TTLL5: variants seen among roughly 807,000 people sequenced by gnomAD.
The protein encoded by TTLL5 is tubulin tyrosine ligase like 5.
In TTLL5, 132 loss-of-function variants were observed where a neutral mutation model predicts 168.4. The ratio of observed to expected loss-of-function variants is 0.78; its 90% CI spans 0.68 to 0.91. The LOEUF is 0.91. TTLL5 is among the 40% of genes least tolerant of loss of function. The pLI is 0.00. For synonymous variants in TTLL5, 546 were observed against 558.6 expected (o/e 0.98, Z 0.32); for missense variants, 1,545 against 1,581.5 (o/e 0.98, Z 0.39).
At chr14:75,706,068 C>T (rs1023416979) in intron 7 of TTLL5, among the ~76,000 whole-genome samples, 5 of 152,114 alleles carry the variant, frequency 3.3e-5, no homozygotes, top group Non-Finnish European at 7.4e-5. Flanking sequence ...ATCGGCCCAC[C>T]CTCCTTTCTA....
chr14:75,828,536 G>A (rs181468018), intron 28 of TTLL5, among the ~76,000 whole-genome samples: 3 of 152,148 alleles, frequency 2.0e-5, no homozygotes, highest in South Asian at 2.1e-4. Flanking sequence ...TAAGGCTTCC[G>A]GTCAACAATA....
At position 75,792,948 on chromosome 14, in the gene TTLL5, A is replaced by G. The variant is rs753792772; in HGVS notation, c.3019A>G (p.Ile1007Val). 12 of 1,611,368 alleles carry G rather than the reference A, an allele frequency of 7.4e-6. No individual in the cohort carries two copies. Among genetic ancestry groups the G allele is most frequent in the Non-Finnish European group, 9.3e-6 (11 of 1,178,258 alleles). ...SCYLNKHHSGIAKTQKEGEDA... is the reference protein window; with the variant it reads ...SCYLNKHHSGVAKTQKEGEDA... ...CTATCTAAACAAGCATCATTCAGGA[A>G]TAGCCAAAACACAAAAAGAGGGAGA... Residue 1007 changes from isoleucine to valine, a missense_variant, in exon 27 of 32, where the codon ATA (isoleucine) becomes GTA (valine). Transcript: ENST00000298832.
chr14:75,902,650 G>T (rs1326611352), intron 31 of TTLL5: 9 of 457,454 alleles, frequency 2.0e-5, no homozygotes, highest in Non-Finnish European at 4.0e-5. Context: ...ATGCGTGGAT[G>T]CAGAGCTGGA....
At chr14:75,869,395 C>T (rs996669385) in intron 29 of TTLL5, among the ~76,000 whole-genome samples, 2 of 152,136 alleles carry the variant, frequency 1.3e-5, no homozygotes, top group South Asian at 2.1e-4. Context: ...CTGTCTAGTC[C>T]GTGACTTAAG....
intron 27 of TTLL5, among the ~76,000 whole-genome samples, chr14:75,817,114 G>A (rs1054024989): frequency 2.6e-5 from 4 of 151,300 alleles, no homozygotes; most frequent in African/African-American, 9.7e-5. Flanking sequence ...TGAGTAGCTG[G>A]GACTACAGGC....
intron 9 of TTLL5, among the ~76,000 whole-genome samples, chr14:75,716,198 T>A (rs1172617186): frequency 2.0e-5 from 3 of 152,098 alleles, no homozygotes; most frequent in Non-Finnish European, 4.4e-5. Flanking sequence ...GGCACTGGGG[T>A]GTGACATGGC....
intron 30 of TTLL5, among the ~76,000 whole-genome samples, chr14:75,896,695 C>G (rs953709936): frequency 2.0e-5 from 3 of 152,072 alleles, no homozygotes; most frequent in African/African-American, 7.2e-5. Flanking sequence ...ATGAACAAAA[C>G]AGACCTTAAA....
intron 28 of TTLL5, among the ~76,000 whole-genome samples, chr14:75,821,264 CATCTT>C (rs1323290848): frequency 2.0e-5 from 3 of 152,162 alleles, no homozygotes; most frequent in Non-Finnish European, 4.4e-5. Flanking sequence ...CGAAAAGAAT[CATCTT>C]AACTGAGAAT....
intron 28 of TTLL5, among the ~76,000 whole-genome samples, chr14:75,859,580 G>A (rs1445699836): frequency 6.6e-6 from 1 of 152,090 alleles, no homozygotes; most frequent in Non-Finnish European, 1.5e-5. Flanking sequence ...CGGGGCCTGT[G>A]TACAATATTA....
intron 28 of TTLL5, chr14:75,847,800 C>G (rs1044377406): frequency 3.9e-5 from 6 of 152,078 alleles, no homozygotes; most frequent in African/African-American, 1.5e-4. Context: ...GGCTTGTTAA[C>G]ACACAGATTG....
At position 75,954,582 on chromosome 14, in the gene TTLL5, A is replaced by G; in HGVS notation, c.*136A>G. 1.1e-6 allele frequency: 1 copy of G among 900,232 alleles called. No individual in the cohort carries two copies. The highest frequency in any genetic ancestry group is 1.7e-6 in the Non-Finnish European group (1 of 572,408). The allele number at this position is 900,232 out of a possible 1,614,324, so 55.8% of individuals were successfully genotyped here. A position where few individuals can be genotyped will look rare whatever the true frequency, so the allele number is the denominator to read the frequency against. The stretch of plus-strand genomic sequence containing the variant: ...CAAAGTCCCCAAAGCCTTCGAGCAG[A>G]AGTGGCAGTAGATGGTTGCCAATCA... On this transcript the variant is annotated 3_prime_UTR_variant, in exon 32 of 32. Coordinates refer to ENST00000298832, the MANE Select transcript of TTLL5 (RefSeq NM_015072.5).
At chr14:75,716,211 G>GA (rs2140193755) in intron 9 of TTLL5, among the ~76,000 whole-genome samples, 1 of 152,352 alleles carries the variant, frequency 6.6e-6, no homozygotes, top group South Asian at 2.1e-4. Context: ...GACATGGCTA[G>GA]AAGTTAAGTG....
intron 5 of TTLL5, 114 bp downstream of exon 5, chr14:75,683,770 G>T: frequency 2.9e-6 from 2 of 683,538 alleles, no homozygotes; most frequent in Non-Finnish European, 4.7e-6. Flanking sequence ...TGAAGAAGAA[G>T]AAGGACTTTT....
intron 17 of TTLL5, among the ~76,000 whole-genome samples, chr14:75,745,811 C>T (rs1169961673): frequency 3.9e-5 from 6 of 151,970 alleles, no homozygotes; most frequent in Admixed American, 3.9e-4. Context: ...AGCTTCCTAT[C>T]CCAGGGTTAG....
At chr14:75,665,829 G>T (rs1362917850) in intron 2 of TTLL5, among the ~76,000 whole-genome samples, 1 of 152,192 alleles carries the variant, frequency 6.6e-6, no homozygotes, top group Non-Finnish European at 1.5e-5. Context: ...TCCAGCCTGG[G>T]AGACAGAGTG....
chr14:75,796,288 C>G (rs1163283761), intron 27 of TTLL5, among the ~76,000 whole-genome samples: 1 of 151,756 alleles, frequency 6.6e-6, no homozygotes, highest in Non-Finnish European at 1.5e-5. Context: ...TTTTTTCTTG[C>G]TGATTTGTTT....
At chr14:75,763,255 C>CTGTGTGTGTGTG (rs60621403) in intron 18 of TTLL5, among the ~76,000 whole-genome samples, 890 of 58,582 alleles carry the variant, frequency 0.015, 6 homozygotes, top group Non-Finnish European at 0.03. Flanking sequence ...AGCTCTCTCT[C>CTGTGTGTGTGTG]TGTGTGTGTG....
At chr14:75,695,817 C>G (rs1307873456) in intron 6 of TTLL5, among the ~76,000 whole-genome samples, 4 of 138,298 alleles carry the variant, frequency 2.9e-5, no homozygotes, top group African/African-American at 8.1e-5. Context: ...CCTCCCCTCC[C>G]CTCCCCGACT....
At chr14:75,836,020 C>T (rs1272193692) in intron 28 of TTLL5, among the ~76,000 whole-genome samples, 1 of 152,174 alleles carries the variant, frequency 6.6e-6, no homozygotes, top group Non-Finnish European at 1.5e-5. Flanking sequence ...TACCATACAA[C>T]CCAGCAGTCC....
Sources: gnomAD v4.1 joint callset for allele counts (sites outside exome capture counted in the v4.1 genomes callset) on GRCh38, gnomAD v4.1.1 for gene constraint, MANE v1.5 for transcripts, NCBI Gene and HGNC (gene_info 2026-07-23, HGNC 2026-07-21) for gene names.